Variants in NEO1 observed in about 807,000 individuals in gnomAD.
NEO1 encodes neogenin.
A neutral mutation model predicts 159.7 loss-of-function variants in NEO1; 63 were observed. That is an observed-to-expected ratio of 0.39 (90% confidence interval 0.32 to 0.49). The LOEUF is 0.49. Among genes scored for constraint, NEO1 ranks in the 20% least tolerant of loss-of-function variants. NEO1 has a pLI of 0.85. For missense variants in NEO1, 1,615 were observed against 1,831.0 expected (o/e 0.88, Z 2.15); for synonymous variants, 633 against 662.0 (o/e 0.96, Z 0.67).
At chr15:73,217,901 G>A (rs1464690604) in intron 7 of NEO1, among the ~76,000 whole-genome samples, 186 of 152,026 alleles carry the variant, frequency 1.2e-3, no homozygotes, top group African/African-American at 4.3e-3. Context: ...CTCTTTTCCT[G>A]ATTGAATACC....
rs1255841128 is a variant in NEO1, at chr15:73,219,200, C to A, written c.1292-17147C>A. The stretch of plus-strand genomic sequence containing the variant: ...TATGTACCCAGCAGTCATTCAAGAG[C>A]AGGTTGTTCAGTTTCCATGTAGTTG... On this transcript the variant is annotated intron_variant, in intron 7 of 28. Coordinates refer to ENST00000261908, the MANE Select transcript of NEO1 (RefSeq NM_002499.4). Among the ~76,000 whole-genome samples, 12 of 152,158 alleles carry A rather than the reference C, an allele frequency of 7.9e-5. No individual in the cohort carries two copies. The South Asian group carries it at 2.5e-3, about 32-fold the overall frequency.
intron 7 of NEO1, among the ~76,000 whole-genome samples, chr15:73,211,316 G>A (rs982364959): frequency 3.9e-5 from 6 of 152,124 alleles, no homozygotes; most frequent in South Asian, 2.1e-4. Context: ...CCAGCTTTCC[G>A]CTTGGAGCCA....
intron 3 of NEO1, 137 bp from the exon 4 acceptor site, chr15:73,126,280 C>T (rs547292719): frequency 1.0e-4 from 68 of 658,816 alleles, no homozygotes; most frequent in Admixed American, 8.2e-4. Context: ...ATATTGCCTA[C>T]GCTGGTCTCA....
At chr15:73,290,644 A>G (rs2151135219) in intron 25 of NEO1, among the ~76,000 whole-genome samples, 1 of 151,910 alleles carries the variant, frequency 6.6e-6, no homozygotes, top group South Asian at 2.1e-4. Flanking sequence ...AATAAATATC[A>G]TGATTAAACC....
chr15:73,171,178 G>A (rs977225717), intron 5 of NEO1, among the ~76,000 whole-genome samples: 4 of 151,988 alleles, frequency 2.6e-5, no homozygotes, highest in African/African-American at 7.3e-5. Flanking sequence ...AAGATAAAGA[G>A]GAGTCTGTAG....
chr15:73,234,096 A>G lies in NEO1; in HGVS notation c.1292-2251A>G, dbSNP rs979379457. Among the ~76,000 whole-genome samples the G allele has an allele frequency of 3.3e-5, 5 of 152,168 alleles. No individual in the cohort carries two copies. The East Asian group carries it at 7.7e-4, about 23-fold the overall frequency. On this transcript the variant is annotated intron_variant, in intron 7 of 28. Coordinates refer to ENST00000261908, the MANE Select transcript of NEO1 (RefSeq NM_002499.4). ...CTCTCTAGCCAGTAGATAGTTGGGA[A>G]GAATTAAGTTTGGTGAGTTGGGTCA...
chr15:73,189,937 AACAGCAGCTCTTG>A (rs1432046521), intron 7 of NEO1, among the ~76,000 whole-genome samples: 2 of 152,200 alleles, frequency 1.3e-5, no homozygotes. Flanking sequence ...CATTTTCGGT[AACAGCAGCTCTTG>A]ATTTTAGAAG....
At chr15:73,105,118 G>A (rs1424705486) in intron 1 of NEO1, among the ~76,000 whole-genome samples, 2 of 152,112 alleles carry the variant, frequency 1.3e-5, no homozygotes, top group South Asian at 2.1e-4. Context: ...TATCTACTCA[G>A]TATCAGTGAA....
intron 7 of NEO1, among the ~76,000 whole-genome samples, chr15:73,185,253 A>G (rs569601598): frequency 3.0e-4 from 46 of 152,318 alleles, no homozygotes; most frequent in African/African-American, 1.1e-3. Context: ...CAACATCAAG[A>G]GTGAACACTA....
At position 73,052,646 on chromosome 15, in the gene NEO1, C is replaced by T; in HGVS notation, c.-30C>T. Reference sequence around the variant, plus strand: ...AGGCAAGGGCTCCGCGGCGCTGTCGCCGCCGCTGCCGCTCACTCTCGGGGA... The same window carrying T: ...AGGCAAGGGCTCCGCGGCGCTGTCGTCGCCGCTGCCGCTCACTCTCGGGGA... On this transcript the variant is annotated 5_prime_UTR_variant, in exon 1 of 29. Transcript: ENST00000261908. 1.6e-6 allele frequency: 2 copies of T among 1,246,528 alleles called. No homozygotes were observed. The highest frequency in any genetic ancestry group is 2.0e-6 in the Non-Finnish European group (2 of 990,054). The allele number at this position is 1,246,528 out of a possible 1,614,324, so 77.2% of individuals were successfully genotyped here. A position where few individuals can be genotyped will look rare whatever the true frequency, so the allele number is the denominator to read the frequency against.
intron 7 of NEO1, among the ~76,000 whole-genome samples, chr15:73,228,737 AGAC>A (rs1241189240): frequency 6.6e-6 from 1 of 152,082 alleles, no homozygotes; most frequent in African/African-American, 2.4e-5. Context: ...TCTTAGATTA[AGAC>A]TATGAGATAT....
chr15:73,110,588 G>GT (rs1240120313), intron 1 of NEO1, among the ~76,000 whole-genome samples: 1 of 152,152 alleles, frequency 6.6e-6, no homozygotes, highest in Non-Finnish European at 1.5e-5. Flanking sequence ...TTTTCTTTCT[G>GT]TAAGATGGAA....
At chr15:73,205,121 G>A (rs1024036588) in intron 7 of NEO1, among the ~76,000 whole-genome samples, 7 of 152,152 alleles carry the variant, frequency 4.6e-5, no homozygotes, top group African/African-American at 1.7e-4. Context: ...AGATGTGAGG[G>A]AGAAGGACAT....
chr15:73,060,057 A>G (rs139043021), intron 1 of NEO1, among the ~76,000 whole-genome samples: 9 of 152,240 alleles, frequency 5.9e-5, no homozygotes, highest in African/African-American at 2.2e-4. Flanking sequence ...AATCACCAAA[A>G]TATGTCTTTA....
chr15:73,105,100 A>G (rs1206752306), intron 1 of NEO1, among the ~76,000 whole-genome samples: 2 of 152,158 alleles, frequency 1.3e-5, no homozygotes, highest in Non-Finnish European at 2.9e-5. Context: ...AAATTTCTTG[A>G]AAAATCTTAT....
intron 5 of NEO1, among the ~76,000 whole-genome samples, chr15:73,167,962 A>T (rs1025654286): frequency 6.6e-6 from 1 of 152,170 alleles, no homozygotes; most frequent in Non-Finnish European, 1.5e-5. Context: ...TTTAAAATTC[A>T]TGCAGAAAGT....
chr15:73,206,835 ATGTGTG>A (rs10537842), intron 7 of NEO1, among the ~76,000 whole-genome samples: 1 of 150,666 alleles, frequency 6.6e-6, no homozygotes, highest in Non-Finnish European at 1.5e-5. Flanking sequence ...GTGTGTGTGT[ATGTGTG>A]TGTGTGCGTG....
intron 1 of NEO1, among the ~76,000 whole-genome samples, chr15:73,057,586 A>G (rs2067771150): frequency 6.6e-6 from 1 of 152,202 alleles, no homozygotes; most frequent in Non-Finnish European, 1.5e-5. Flanking sequence ...TTTGTCATGG[A>G]CATAGCTAGT....
intron 5 of NEO1, among the ~76,000 whole-genome samples, chr15:73,156,277 A>G (rs1418582175): frequency 6.6e-6 from 1 of 152,114 alleles, no homozygotes; most frequent in African/African-American, 2.4e-5. Flanking sequence ...GTGTGCAGTT[A>G]TTGGTGGAGT....
Sources: gnomAD v4.1 joint callset for allele counts (sites outside exome capture counted in the v4.1 genomes callset) on GRCh38, gnomAD v4.1.1 for gene constraint, MANE v1.5 for transcripts, NCBI Gene and HGNC (gene_info 2026-07-23, HGNC 2026-07-21) for gene names.